The following ZNF48 variants were observed in gnomAD, a reference collection of about 807,000 sequenced individuals.
ZNF48 encodes the protein zinc finger protein 48, also known as zinc finger protein 553.
ZNF48 carries 20 observed loss-of-function variants against 40.0 expected under a neutral mutation model. That is an observed-to-expected ratio of 0.50 (90% CI 0.35 to 0.73). The LOEUF (loss-of-function observed/expected upper bound fraction) is 0.73, where lower values mean the gene tolerates loss of function less well. Among genes scored for constraint, ZNF48 ranks in the 30% least tolerant of loss-of-function variants. The pLI is 0.01. For synonymous variants in ZNF48, 298 were observed against 329.7 expected (o/e 0.90, Z 1.04); for missense variants, 726 against 851.9 (o/e 0.85, Z 1.84).
intron 1 of ZNF48, among the ~76,000 whole-genome samples, chr16:30,385,687 G>A (rs2049895676): frequency 6.6e-6 from 1 of 152,110 alleles, no homozygotes; most frequent in Non-Finnish European, 1.5e-5. Context: ...TGTTTCCAGT[G>A]AGTTTCCAAT....
At chr16:30,388,617 G>A (rs192269783) in intron 1 of ZNF48, among the ~76,000 whole-genome samples, 13 of 152,136 alleles carry the variant, frequency 8.5e-5, no homozygotes, top group Admixed American at 1.3e-4. Flanking sequence ...GTCCAGGCGC[G>A]GTGGCTCACG....
chr16:30,390,011 TG>T (rs1377163118), intron 1 of ZNF48, among the ~76,000 whole-genome samples: 1 of 151,590 alleles, frequency 6.6e-6, no homozygotes, highest in East Asian at 1.9e-4. Flanking sequence ...TTTTTAGAGA[TG>T]GGGTCACTAT....
Position 30,399,288 on chromosome 16 carries a change from C to T in ZNF48, c.*181C>T. On this transcript the variant is annotated 3_prime_UTR_variant, in exon 3 of 3. Coordinates refer to ENST00000613509, the MANE Select transcript of ZNF48 (RefSeq NM_001214909.2). Reference sequence around the variant, plus strand: ...AGCTCAGGAAACTGTCCTGGCTGGGCTGAGTCAGGACCTTGCCAGGACGGG... The same window carrying T: ...AGCTCAGGAAACTGTCCTGGCTGGGTTGAGTCAGGACCTTGCCAGGACGGG... 1.5e-6 allele frequency: 1 copy of T among 661,828 alleles called. No homozygotes were observed. The highest frequency in any genetic ancestry group is 2.4e-6 in the Non-Finnish European group (1 of 408,960). The allele number at this position is 661,828 out of a possible 1,614,324, so 41.0% of individuals were successfully genotyped here. A position where few individuals can be genotyped will look rare whatever the true frequency, so the allele number is the denominator to read the frequency against.
Position 30,382,293 on chromosome 16 carries a change from A to C in ZNF48, c.-16+3883A>C. 1 of 1,613,896 alleles carries C rather than the reference A, an allele frequency of 6.2e-7. No homozygotes were observed. The highest frequency in any genetic ancestry group is 8.5e-7 in the Non-Finnish European group (1 of 1,179,850). ...CCCAGACCTGCCACCATTAGCGTGA[A>C]GTCAAACCCCTTCTTGACAGACTTG... On this transcript the variant is annotated intron_variant, in intron 1 of 2. Coordinates refer to the ZNF48 transcript ENST00000528032. This position sits in a 1 kb window ranked among gnomAD's most constrained non-coding sequence, Gnocchi z 4.8.
chr16:30,379,310 GA>G, intron 1 of ZNF48: 2 of 1,441,400 alleles, frequency 1.4e-6, no homozygotes, highest in Non-Finnish European at 1.9e-6. Flanking sequence ...GCAGCCCAGC[GA>G]CCCCCCTTTC....
chr16:30,378,367 G>T, exon 1 of ZNF48: 1 of 1,418,802 alleles, frequency 7.0e-7, no homozygotes. Context: ...GGGCAGTGTG[G>T]GGCGCGGGGA....
intron 1 of ZNF48, chr16:30,378,513 C>T (rs2049784077): frequency 1.3e-6 from 2 of 1,582,186 alleles, no homozygotes; most frequent in African/African-American, 1.4e-5. Flanking sequence ...CTCTTGCATG[C>T]GGCGCAGCTG....
intron 1 of ZNF48, among the ~76,000 whole-genome samples, chr16:30,383,183 T>TTTTC (rs757662117): frequency 6.6e-5 from 10 of 152,122 alleles, no homozygotes; most frequent in South Asian, 2.1e-4. Flanking sequence ...CCCTGTTTCT[T>TTTTC]TTTCTTTCTT....
intron 1 of ZNF48, chr16:30,379,351 C>T (rs2151109995): frequency 6.9e-7 from 1 of 1,447,832 alleles, no homozygotes; most frequent in East Asian, 2.3e-5. Context: ...CCAAAGCCCA[C>T]CCCAACTTCA....
At chr16:30,393,053 C>T (rs1347187920), upstream of ZNF48, among the ~76,000 whole-genome samples, 1 of 152,150 alleles carries the variant, frequency 6.6e-6, no homozygotes, top group African/African-American at 2.4e-5. Flanking sequence ...TTCTCCCACA[C>T]TATCGTGAAT....
chr16:30,399,627 A>C lies in ZNF48; in HGVS notation c.*520A>C, dbSNP rs1451512367. The C allele has an allele frequency of 6.5e-6, 1 of 153,406 alleles. No individual in the cohort carries two copies. Among genetic ancestry groups the C allele is most frequent in the East Asian group, 1.9e-4 (1 of 5,204 alleles). The allele number at this position is 153,406 out of a possible 1,614,324, so 9.5% of individuals were successfully genotyped here. ...GGTTTGTTTACCTTCTGAGCTGCAGAGATGGGGCTTCTGGAATTTAAGGTA... is the reference window on the plus strand; with the variant it reads ...GGTTTGTTTACCTTCTGAGCTGCAGCGATGGGGCTTCTGGAATTTAAGGTA... On this transcript the variant is annotated 3_prime_UTR_variant, in exon 3 of 3. Transcript: ENST00000613509.
At position 30,382,840 on chromosome 16, in the gene ZNF48, T is replaced by A. The variant is rs988646622; in HGVS notation, c.-16+4430T>A. ...CAGAGAGGAAGGAAGTGGCTCCCTT[T>A]GTTAGCAGGGGAGATGAAGGTTTTG... On this transcript the variant is annotated intron_variant, in intron 1 of 2. Coordinates refer to the ZNF48 transcript ENST00000528032. This position sits in a 1 kb window ranked among gnomAD's most constrained non-coding sequence, Gnocchi z 4.8. The A allele has an allele frequency of 2.0e-6, 3 of 1,475,606 alleles. No homozygotes were observed. The highest frequency in any genetic ancestry group is 2.7e-6 in the Non-Finnish European group (3 of 1,091,996). The allele number at this position is 1,475,606 out of a possible 1,614,324, so 91.4% of individuals were successfully genotyped here.
chr16:30,391,614 G>A (rs1233686165), upstream of ZNF48, among the ~76,000 whole-genome samples: 2 of 151,402 alleles, frequency 1.3e-5, no homozygotes, highest in Non-Finnish European at 2.9e-5. Context: ...TCCTGCCTCC[G>A]CCTCCCGAGT....
At chr16:30,385,003 C>T (rs1455968309) in intron 1 of ZNF48, among the ~76,000 whole-genome samples, 1 of 151,838 alleles carries the variant, frequency 6.6e-6, no homozygotes, top group Non-Finnish European at 1.5e-5. Flanking sequence ...ATGGAGAAAC[C>T]CTGACTCTAC....
At chr16:30,378,610 C>A in intron 1 of ZNF48, 2 of 1,611,688 alleles carry the variant, frequency 1.2e-6, no homozygotes, top group Non-Finnish European at 1.7e-6. Flanking sequence ...GCGTGCTCAC[C>A]TCTTCGTCTT....
At position 30,397,806 on chromosome 16, in the gene ZNF48, C is replaced by T. The variant is rs375102828; in HGVS notation, c.556C>T (p.Pro186Ser). 6.2e-7 allele frequency: 1 copy of T among 1,613,532 alleles called. No individual in the cohort carries two copies. The highest frequency in any genetic ancestry group is 8.5e-7 in the Non-Finnish European group (1 of 1,179,922). Residue 186 changes from proline (P) to serine (S), a missense_variant, in exon 3 of 3, where the codon CCT (proline) becomes TCT (serine). Physicochemically the swap from Pro to Ser is moderately conservative, Grantham distance 74. This residue lies in a region of ZNF48 where 378 missense variants were observed against 449.1 expected (regional missense o/e 0.84). Transcript: ENST00000613509. This position sits in a 1 kb window ranked among gnomAD's most constrained non-coding sequence, Gnocchi z 4.1. The part of the protein sequence containing the change: ...GPPKIPRSRI[P>S]AGERPTICGE... The stretch of plus-strand genomic sequence containing the variant: ...CCCAAAGATTCCTCGGTCCCGGATC[C>T]CTGCTGGTGAGCGCCCCACTATCTG...
chr16:30,378,920 G>C lies in ZNF48; in HGVS notation c.-16+510G>C, dbSNP rs1010123741. On this transcript the variant is annotated intron_variant, in intron 1 of 2. Coordinates refer to the ZNF48 transcript ENST00000528032. Reference sequence around the variant, plus strand: ...GGAGGGAGAGAGAAGTCTGAGTGGTGAAGGCGGAGTCACGGGTGGTGGGGA... The same window carrying C: ...GGAGGGAGAGAGAAGTCTGAGTGGTCAAGGCGGAGTCACGGGTGGTGGGGA... The C allele has an allele frequency of 8.0e-6, 10 of 1,251,840 alleles. No individual in the cohort carries two copies. In the East Asian group the frequency reaches 2.3e-4, roughly 29 times the overall value. The allele number at this position is 1,251,840 out of a possible 1,614,324, so 77.5% of individuals were successfully genotyped here.
Position 30,382,562 on chromosome 16 carries a change from C to G in ZNF48, c.-16+4152C>G, listed in dbSNP as rs1414774097. 6.3e-7 allele frequency: 1 copy of G among 1,586,024 alleles called. No homozygotes were observed. Among genetic ancestry groups the G allele is most frequent in the Non-Finnish European group, 8.6e-7 (1 of 1,165,962 alleles). On this transcript the variant is annotated intron_variant, in intron 1 of 2. Transcript: ENST00000528032. The surrounding 1 kb of genome is among the most constrained non-coding windows in gnomAD (Gnocchi z 4.8). ...AGCCATCACTGCACCTGCCGTCTCT[C>G]CCCACTTCCTCTGGTGGGGCAGGAA...
At chr16:30,393,386 T>A (rs1206460433), upstream of ZNF48, among the ~76,000 whole-genome samples, 4 of 150,924 alleles carry the variant, frequency 2.7e-5, no homozygotes, top group Non-Finnish European at 5.9e-5. Context: ...TTTTAAATTT[T>A]ATTTATTTAT....
Sources: gnomAD v4.1 joint callset for allele counts (sites outside exome capture counted in the v4.1 genomes callset) on GRCh38, gnomAD v4.1.1 for gene constraint, gnomAD v4.1.1 regional missense constraint, Gnocchi (gnomAD v3.1) non-coding constraint, MANE v1.5 for transcripts, NCBI Gene and HGNC (gene_info 2026-07-23, HGNC 2026-07-21) for gene names.